The following CCDC88C variants were observed in gnomAD, a reference collection of about 807,000 sequenced individuals.
CCDC88C encodes coiled-coil and HOOK domain protein 88C, also known as protein Daple.
CCDC88C carries 131 observed loss-of-function variants against 198.8 expected under a neutral mutation model. The observed-to-expected ratio is 0.66, with a 90% confidence interval of 0.57 to 0.76. CCDC88C has a LOEUF of 0.76. Among genes scored for constraint, CCDC88C ranks in the 30% least tolerant of loss-of-function variants. CCDC88C has a pLI of 0.00. For synonymous variants in CCDC88C, 1,166 were observed against 1,114.7 expected (o/e 1.05, Z -0.92); for missense variants, 2,553 against 2,631.6 (o/e 0.97, Z 0.65).
At chr14:91,336,358 C>T (rs1326537807) in intron 10 of CCDC88C, among the ~76,000 whole-genome samples, 2 of 152,164 alleles carry the variant, frequency 1.3e-5, no homozygotes, top group East Asian at 3.9e-4. Context: ...AGACGGGATC[C>T]CCAAACCCAC....
At chr14:91,298,004 T>C (rs1490637066) in intron 21 of CCDC88C, among the ~76,000 whole-genome samples, 1 of 152,206 alleles carries the variant, frequency 6.6e-6, no homozygotes, top group East Asian at 1.9e-4. Context: ...TCTATTAAAA[T>C]TGCTATCATC....
At chr14:91,384,675 C>T (rs543812929) in intron 3 of CCDC88C, 17 of 367,354 alleles carry the variant, frequency 4.6e-5, no homozygotes, top group African/African-American at 6.4e-5. Flanking sequence ...ACACCTGGGA[C>T]GCCCATCAGC....
intron 3 of CCDC88C, among the ~76,000 whole-genome samples, chr14:91,400,876 CCTG>C (rs1886129340): frequency 6.6e-6 from 1 of 152,090 alleles, no homozygotes; most frequent in Admixed American, 6.6e-5. Context: ...CTAGGAACTC[CCTG>C]CTAAGGAAAT....
chr14:91,394,079 A>C (rs551771456), intron 3 of CCDC88C, among the ~76,000 whole-genome samples: 2 of 152,348 alleles, frequency 1.3e-5, no homozygotes, highest in South Asian at 4.1e-4. Context: ...GAAAGGAGGC[A>C]AAAATTTTAG....
At chr14:91,332,932 C>A (rs894056509) in intron 10 of CCDC88C, among the ~76,000 whole-genome samples, 13 of 152,250 alleles carry the variant, frequency 8.5e-5, no homozygotes, top group Admixed American at 5.2e-4. Flanking sequence ...ACTCCACCCA[C>A]AGACCGGCCC....
At chr14:91,355,420 G>C (rs1252757334) in intron 4 of CCDC88C, among the ~76,000 whole-genome samples, 1 of 152,162 alleles carries the variant, frequency 6.6e-6, no homozygotes, top group Non-Finnish European at 1.5e-5. Context: ...GTTCAAGCAG[G>C]GTCCAGCCAG....
chr14:91,414,572 C>T (rs980467559), intron 2 of CCDC88C, among the ~76,000 whole-genome samples: 2 of 152,198 alleles, frequency 1.3e-5, no homozygotes, highest in African/African-American at 4.8e-5. Context: ...ATCCTCACCA[C>T]TTCCAGACAC....
At chr14:91,398,368 C>A (rs1885973129) in intron 3 of CCDC88C, among the ~76,000 whole-genome samples, 1 of 152,200 alleles carries the variant, frequency 6.6e-6, no homozygotes, top group African/African-American at 2.4e-5. Flanking sequence ...CTTGTAACAC[C>A]AACACTGGCT....
rs376850159 is a variant in CCDC88C, at chr14:91,293,566, C to T, written c.4112+607G>A. ...CACCTTCCTGTCCCCTCGCCTGCCA[C>T]GGCCCACCTTCCTGTCCCCTCGCCT... On this transcript the variant is annotated intron_variant, in intron 23 of 29. Coordinates refer to ENST00000389857, the MANE Select transcript of CCDC88C (RefSeq NM_001080414.4). Among the ~76,000 whole-genome samples, 193 of 104,780 alleles carry T rather than the reference C, an allele frequency of 1.8e-3. 12 individuals carry two copies. Among genetic ancestry groups the T allele is most frequent in the South Asian group, 2.0e-3 (5 of 2,542 alleles). 68.7% of individuals were successfully genotyped at this position (104,780 alleles called of 152,430 possible).
At chr14:91,375,253 G>A (rs914237092) in intron 3 of CCDC88C, among the ~76,000 whole-genome samples, 15 of 152,262 alleles carry the variant, frequency 9.9e-5, no homozygotes, top group East Asian at 3.9e-4. Context: ...TAGCATGCGC[G>A]CGTGTCTGTG....
At chr14:91,299,147 C>T (rs899062359) in intron 21 of CCDC88C, among the ~76,000 whole-genome samples, 6 of 152,172 alleles carry the variant, frequency 3.9e-5, no homozygotes, top group African/African-American at 1.2e-4. Context: ...AATACATAAC[C>T]TTGTTTTATG....
intron 25 of CCDC88C, chr14:91,285,654 T>G (rs1211155212): frequency 1.6e-6 from 2 of 1,286,270 alleles, no homozygotes; most frequent in African/African-American, 1.5e-5. Flanking sequence ...TACAGACACA[T>G]GATAAAGGAA....
In CCDC88C at chr14:91,338,150, G is replaced by A. The variant is rs558656599; in HGVS notation, c.905C>T (p.Ala302Val). ...GGCACGAGCAGACCGGGCGTCTGCCGCTAGCTGGATGTTCTGCAAGGTGGA... is the reference window on the plus strand; with the variant it reads ...GGCACGAGCAGACCGGGCGTCTGCCACTAGCTGGATGTTCTGCAAGGTGGA... ...QKVKQENIQL[A>V]ADARSARAYR... The change falls in exon 10 of 30, where the codon GCG becomes GTG. Residue 302 changes from alanine to valine, a missense_variant. By Grantham distance (64) the Ala-to-Val change is moderately conservative. Transcript: ENST00000389857. This position sits in a 1 kb window ranked among gnomAD's most constrained non-coding sequence, Gnocchi z 4.8. 8.3e-4 allele frequency: 1,347 copies of A among 1,613,682 alleles called. 22 individuals carry two copies. In the South Asian group the frequency reaches 0.014, roughly 17 times the overall value.
At chr14:91,379,869 C>A in intron 3 of CCDC88C, 1 of 702,876 alleles carries the variant, frequency 1.4e-6, no homozygotes, top group Admixed American at 2.0e-5. Flanking sequence ...GTTTAGTTAC[C>A]GGAAAAAGGG....
At chr14:91,410,970 C>T (rs1886759173) in intron 2 of CCDC88C, among the ~76,000 whole-genome samples, 1 of 152,200 alleles carries the variant, frequency 6.6e-6, no homozygotes, top group Admixed American at 6.5e-5. Flanking sequence ...GGAGTCCCCT[C>T]ACATCACAGC....
In CCDC88C at chr14:91,324,532, A is replaced by G. The variant is rs574010814; in HGVS notation, c.1342+247T>C. On this transcript the variant is annotated intron_variant, in intron 12 of 29. Coordinates refer to ENST00000389857, the MANE Select transcript of CCDC88C (RefSeq NM_001080414.4). Reference sequence around the variant, plus strand: ...TCTGGAAGCTCCCGGGAATGTCCATATGGGAATTCGGAAAACTGGCAACAC... The same window carrying G: ...TCTGGAAGCTCCCGGGAATGTCCATGTGGGAATTCGGAAAACTGGCAACAC... Among the ~76,000 whole-genome samples the G allele has an allele frequency of 1.4e-3, 215 of 152,314 alleles. 1 individual carries two copies. Among genetic ancestry groups the G allele is most frequent in the African/African-American group, 4.9e-3 (202 of 41,578 alleles).
intron 25 of CCDC88C, among the ~76,000 whole-genome samples, chr14:91,286,213 T>C (rs1032831057): frequency 6.6e-6 from 1 of 152,202 alleles, no homozygotes; most frequent in Non-Finnish European, 1.5e-5. Flanking sequence ...TCCATTTTAA[T>C]GATGGGGTCC....
At position 91,325,669 on chromosome 14, in the gene CCDC88C, C is replaced by CA. The variant is rs1416435784; in HGVS notation, c.1197+240dup. 6.6e-6 allele frequency among the ~76,000 whole-genome samples: 1 copy of CA among 152,084 alleles called. No homozygotes were observed. ...ACGGCTCACTGCAGCCTCAACCTCC[C>CA]AGGCTCAAGCAACCCTCCTGCCTCA... On this transcript the variant is annotated intron_variant, in intron 11 of 29. Transcript: ENST00000389857. The surrounding 1 kb of genome is among the most constrained non-coding windows in gnomAD (Gnocchi z 4.1).
chr14:91,364,481 C>CA (rs1259553315), intron 3 of CCDC88C, among the ~76,000 whole-genome samples: 1 of 152,158 alleles, frequency 6.6e-6, no homozygotes, highest in Non-Finnish European at 1.5e-5. Flanking sequence ...CTGCAGGGGC[C>CA]ACTGGTGTCC....
Sources: gnomAD v4.1 joint callset for allele counts (sites outside exome capture counted in the v4.1 genomes callset) on GRCh38, gnomAD v4.1.1 for gene constraint, Gnocchi (gnomAD v3.1) non-coding constraint, MANE v1.5 for transcripts, NCBI Gene and HGNC (gene_info 2026-07-23, HGNC 2026-07-21) for gene names.